The following TMEM255B variants were observed in gnomAD, a reference collection of about 807,000 sequenced individuals.
TMEM255B encodes family with sequence similarity 70, member B.
In TMEM255B, 35 loss-of-function variants were observed where a neutral mutation model predicts 34.5. The ratio of observed to expected loss-of-function variants is 1.01; its 90% CI spans 0.77 to 1.34. The LOEUF (loss-of-function observed/expected upper bound fraction) is 1.34, where lower values mean the gene tolerates loss of function less well. Among genes scored for constraint, TMEM255B ranks in the 40% most tolerant of loss-of-function variants. The pLI, the probability that TMEM255B is intolerant of heterozygous loss-of-function variation, is 0.00. For synonymous variants in TMEM255B, 206 were observed against 201.2 expected (o/e 1.02, Z -0.20); for missense variants, 432 against 433.2 (o/e 1.00, Z 0.02).
intron 3 of TMEM255B, among the ~76,000 whole-genome samples, chr13:113,777,643 G>C (rs2050601177): frequency 6.6e-6 from 1 of 152,372 alleles, no homozygotes; most frequent in East Asian, 1.9e-4. Context: ...GGGTCCACCA[G>C]GCTTTGCTCA....
At chr13:113,802,059 C>A (rs569411086) in intron 7 of TMEM255B, among the ~76,000 whole-genome samples, 30 of 152,240 alleles carry the variant, frequency 2.0e-4, no homozygotes, top group Non-Finnish European at 2.9e-5. Flanking sequence ...TGGGCACAGC[C>A]GTCCCCAAGA....
chr13:113,768,250 C>T (rs1307230738), intron 2 of TMEM255B: 3 of 469,122 alleles, frequency 6.4e-6, no homozygotes, highest in Non-Finnish European at 8.9e-6. Context: ...GTTGGCTGCT[C>T]TGAGCCAGAT....
rs2050436274 is a variant in TMEM255B at position 113,769,039 on chromosome 13, G to A, written c.190-59G>A. 6.3e-7 allele frequency: 1 copy of A among 1,586,180 alleles called. No individual in the cohort carries two copies. The highest frequency in any genetic ancestry group is 8.7e-7 in the Non-Finnish European group (1 of 1,155,080). On this transcript the variant is annotated intron_variant, in intron 2 of 8. Transcript: ENST00000375353. The surrounding 1 kb of genome is among the most constrained non-coding windows in gnomAD (Gnocchi z 4.2). ...GCGGGATTATTTGCTTTAAATGTCA[G>A]TGTTAAGCTTCTAGGCACGTTAATG...
chr13:113,772,782 G>A (rs187498737), intron 3 of TMEM255B, among the ~76,000 whole-genome samples: 12 of 152,246 alleles, frequency 7.9e-5, no homozygotes, highest in East Asian at 1.9e-4. Flanking sequence ...TGCTTGTGCC[G>A]GTACCACAGT....
intron 3 of TMEM255B, among the ~76,000 whole-genome samples, chr13:113,791,045 C>T (rs2050825136): frequency 6.6e-6 from 1 of 152,162 alleles, no homozygotes; most frequent in South Asian, 2.1e-4. Context: ...GAAGGTAGAC[C>T]CTGCAATTTT....
At chr13:113,762,054 A>G (rs1262825070) in intron 1 of TMEM255B, among the ~76,000 whole-genome samples, 4 of 152,084 alleles carry the variant, frequency 2.6e-5, no homozygotes, top group African/African-American at 9.7e-5. Flanking sequence ...TGGGGCACTT[A>G]GGAGCACTTT....
Position 113,781,655 on chromosome 13 carries a change from C to T in TMEM255B, c.252+12495C>T, listed in dbSNP as rs140120026. On this transcript the variant is annotated intron_variant, in intron 3 of 8. Coordinates refer to ENST00000375353, the MANE Select transcript of TMEM255B (RefSeq NM_182614.4). ...CATTCCAGCATCAAACTCCGTGTGT[C>T]CCAGGCCTTACCTAGATATAAAGCA... Among the ~76,000 whole-genome samples, 101 of 152,278 alleles carry T rather than the reference C, an allele frequency of 6.6e-4. 2 individuals carry two copies. In the East Asian group the frequency reaches 0.018, roughly 27 times the overall value.
intron 3 of TMEM255B, among the ~76,000 whole-genome samples, chr13:113,794,529 G>A (rs919177072): frequency 2.0e-5 from 3 of 152,108 alleles, no homozygotes; most frequent in African/African-American, 7.2e-5. Flanking sequence ...ACCAAGCCAG[G>A]CACCGAGAAA....
At position 113,800,053 on chromosome 13, in the gene TMEM255B, C is replaced by T. The variant is rs551758690; in HGVS notation, c.423+634C>T. 111 of 1,194,326 alleles carry T rather than the reference C, an allele frequency of 9.3e-5. No homozygotes were observed. In the African/African-American group the frequency reaches 1.2e-3, roughly 13 times the overall value. 74.0% of individuals were successfully genotyped at this position (1,194,326 alleles called of 1,614,324 possible). A position where few individuals can be genotyped will look rare whatever the true frequency, so the allele number is the denominator to read the frequency against. On this transcript the variant is annotated intron_variant, in intron 5 of 8. Coordinates refer to ENST00000375353, the MANE Select transcript of TMEM255B (RefSeq NM_182614.4). The stretch of plus-strand genomic sequence containing the variant: ...TTGTCTGGGACTCTCCAGCAGCTGC[C>T]GGGAGGCATCGTGTGTGTGTGTGTG...
chr13:113,784,039 A>G (rs2050703811), intron 3 of TMEM255B, among the ~76,000 whole-genome samples: 1 of 152,108 alleles, frequency 6.6e-6, no homozygotes, highest in South Asian at 2.1e-4. Flanking sequence ...TTTTTGGGCC[A>G]TTGGCTGTCG....
chr13:113,785,241 G>A (rs913032953), intron 3 of TMEM255B, among the ~76,000 whole-genome samples: 1 of 152,250 alleles, frequency 6.6e-6, no homozygotes, highest in Non-Finnish European at 1.5e-5. Flanking sequence ...TGATGCCCCT[G>A]CTCTGTCACT....
intron 3 of TMEM255B, among the ~76,000 whole-genome samples, chr13:113,774,748 TAC>T (rs1301376823): frequency 1.2e-5 from 1 of 85,278 alleles, no homozygotes; most frequent in Non-Finnish European, 2.5e-5. Flanking sequence ...CCACACACAC[TAC>T]ACACACCACA....
chr13:113,774,631 CCA>C (rs902014088), intron 3 of TMEM255B, among the ~76,000 whole-genome samples: 6 of 142,526 alleles, frequency 4.2e-5, no homozygotes, highest in African/African-American at 1.1e-4. Context: ...ACCACATATA[CCA>C]CACACCACAC....
intron 3 of TMEM255B, among the ~76,000 whole-genome samples, chr13:113,785,552 G>A (rs1310144186): frequency 6.6e-6 from 1 of 152,246 alleles, no homozygotes; most frequent in Non-Finnish European, 1.5e-5. Context: ...AGACCCACCG[G>A]AGGAGAGAGG....
chr13:113,790,694 A>G (rs111862241), intron 3 of TMEM255B, among the ~76,000 whole-genome samples: 2 of 144,826 alleles, frequency 1.4e-5, no homozygotes, highest in African/African-American at 5.2e-5. Flanking sequence ...GACTGGACAC[A>G]TGGACATCCT....
At chr13:113,800,232 T>TG (rs202239485) in intron 5 of TMEM255B, among the ~76,000 whole-genome samples, 2 of 27,362 alleles carry the variant, frequency 7.3e-5, no homozygotes, top group African/African-American at 3.3e-4. Context: ...TGTGTGTATG[T>TG]GGGGGGGAGG....
At chr13:113,772,885 T>C (rs1475822614) in intron 3 of TMEM255B, among the ~76,000 whole-genome samples, 1 of 152,182 alleles carries the variant, frequency 6.6e-6, no homozygotes, top group Non-Finnish European at 1.5e-5. Flanking sequence ...CAATTCTGAA[T>C]CCCTTGCAAT....
intron 1 of TMEM255B, among the ~76,000 whole-genome samples, chr13:113,760,799 G>T: frequency 7.0e-6 from 1 of 142,058 alleles, no homozygotes; most frequent in Non-Finnish European, 1.6e-5. Flanking sequence ...ATCGGGGGTG[G>T]GTTATGGTCT....
chr13:113,767,322 A>G (rs1185650026), intron 2 of TMEM255B, among the ~76,000 whole-genome samples: 1 of 152,376 alleles, frequency 6.6e-6, no homozygotes, highest in East Asian at 1.9e-4. Flanking sequence ...GTATCTATGC[A>G]GAAAAAGCTT....
Sources: gnomAD v4.1 joint callset for allele counts (sites outside exome capture counted in the v4.1 genomes callset) on GRCh38, gnomAD v4.1.1 for gene constraint, Gnocchi (gnomAD v3.1) non-coding constraint, MANE v1.5 for transcripts, NCBI Gene and HGNC (gene_info 2026-07-23, HGNC 2026-07-21) for gene names.